Variants in KDM5A observed in about 807,000 individuals in gnomAD.
KDM5A encodes lysine demethylase 5A, also known as lysine-specific demethylase 5A.
In KDM5A, 42 loss-of-function variants were observed where a neutral mutation model predicts 193.5. The ratio of observed to expected loss-of-function variants is 0.22; its 90% CI spans 0.17 to 0.28. The LOEUF (loss-of-function observed/expected upper bound fraction) is 0.28. KDM5A is among the 10% of genes least tolerant of loss of function. The probability of loss-of-function intolerance (pLI) is 1.00; values close to 1 mark genes in which losing one functional copy is unlikely to be tolerated. For synonymous variants in KDM5A, 796 were observed against 718.1 expected (o/e 1.11, Z -1.73); for missense variants, 1,692 against 2,055.1 (o/e 0.82, Z 3.42).
At chr12:374,776 CAA>C (rs1268073423) in intron 3 of KDM5A, among the ~76,000 whole-genome samples, 2 of 152,140 alleles carry the variant, frequency 1.3e-5, no homozygotes, top group Non-Finnish European at 2.9e-5. Context: ...CTGGTGGTGA[CAA>C]AATCTCTCAG....
intron 18 of KDM5A, 114 bp downstream of exon 18, chr12:320,881 A>T: frequency 2.5e-6 from 2 of 806,148 alleles, no homozygotes; most frequent in Non-Finnish European, 4.4e-6. Context: ...CATATATGTG[A>T]GAGAAAAAAA....
chr12:313,730 GAAGAT>G (rs1349445206), intron 19 of KDM5A, among the ~76,000 whole-genome samples: 1 of 152,146 alleles, frequency 6.6e-6, no homozygotes, highest in Non-Finnish European at 1.5e-5. Context: ...AATCACAATA[GAAGAT>G]AAGAATTATG....
chr12:357,540 C>T (rs182744254), intron 5 of KDM5A, among the ~76,000 whole-genome samples: 25 of 151,532 alleles, frequency 1.6e-4, no homozygotes, highest in African/African-American at 5.1e-4. Context: ...AGAATAAGTC[C>T]TTCTGGAGGC....
intron 26 of KDM5A, among the ~76,000 whole-genome samples, chr12:293,522 T>C (rs1213433429): frequency 1.3e-5 from 2 of 152,176 alleles, no homozygotes; most frequent in Non-Finnish European, 2.9e-5. Context: ...TTCAGGCCTG[T>C]AATCCCAGCA....
chr12:333,013 T>C (rs903208410), intron 12 of KDM5A: 1 of 196,512 alleles, frequency 5.1e-6, no homozygotes, highest in Non-Finnish European at 1.1e-5. Flanking sequence ...TAAAAGTTGT[T>C]CCCTGCAGAG....
At chr12:382,031 G>A (rs1323137092) in intron 3 of KDM5A, among the ~76,000 whole-genome samples, 2 of 151,906 alleles carry the variant, frequency 1.3e-5, no homozygotes, top group African/African-American at 2.4e-5. Context: ...GCCTGGTCTC[G>A]AACTCCTAGG....
At chr12:326,262 T>C (rs1185129176) in intron 14 of KDM5A, among the ~76,000 whole-genome samples, 2 of 152,206 alleles carry the variant, frequency 1.3e-5, no homozygotes, top group African/African-American at 4.8e-5. Flanking sequence ...TGATAGTAAT[T>C]CCTGTGTGTA....
rs1220758857 is a variant in KDM5A, at chr12:281,377, T to C, written c.*4079A>G. ...ACAGCTTTCATAACCCATCATATCC[T>C]TGCCCAGTGCACATCATTTGTTGCA... On this transcript the variant is annotated 3_prime_UTR_variant, in exon 28 of 28. Transcript: ENST00000399788. 1 of 233,076 alleles carries C rather than the reference T, an allele frequency of 4.3e-6. No homozygotes were observed. The highest frequency in any genetic ancestry group is 6.0e-5 in the East Asian group (1 of 16,580). 14.4% of individuals were successfully genotyped at this position (233,076 alleles called of 1,614,324 possible). A position where few individuals can be genotyped will look rare whatever the true frequency, so the allele number is the denominator to read the frequency against.
intron 3 of KDM5A, among the ~76,000 whole-genome samples, chr12:367,086 T>C (rs118140923): frequency 0.011 from 1,639 of 152,314 alleles, 14 homozygotes; most frequent in Middle Eastern, 0.027. Flanking sequence ...ACATTCTATG[T>C]TTGCACAATA....
Position 323,587 on chromosome 12 carries a change from T to G in KDM5A, c.2150+13A>C. The G allele has an allele frequency of 6.2e-7, 1 of 1,612,392 alleles. No homozygotes were observed. Among genetic ancestry groups the G allele is most frequent in the Non-Finnish European group, 8.5e-7 (1 of 1,178,454 alleles). On this transcript the variant is annotated intron_variant, in intron 15 of 27. Coordinates refer to ENST00000399788, the MANE Select transcript of KDM5A (RefSeq NM_001042603.3). Reference sequence around the variant, plus strand: ...AAAAGGTAATGGAAGTTTTACAAAATACTTTTGGATACCTAAGACATTTCT... The same window carrying G: ...AAAAGGTAATGGAAGTTTTACAAAAGACTTTTGGATACCTAAGACATTTCT...
chr12:305,266 AATAAG>A (rs993219241), intron 24 of KDM5A, among the ~76,000 whole-genome samples: 78 of 152,300 alleles, frequency 5.1e-4, no homozygotes, highest in African/African-American at 1.8e-3. Context: ...TCTACCATAT[AATAAG>A]ATATTTTAAT....
intron 14 of KDM5A, among the ~76,000 whole-genome samples, chr12:324,811 T>G (rs1338904118): frequency 6.6e-6 from 1 of 151,526 alleles, no homozygotes; most frequent in Non-Finnish European, 1.5e-5. Context: ...GGGTGAAGGT[T>G]GCAATGAGCT....
intron 14 of KDM5A, 115 bp downstream of exon 14, chr12:328,720 C>G (rs375619668): frequency 4.6e-6 from 4 of 860,262 alleles, no homozygotes; most frequent in East Asian, 5.1e-5. Flanking sequence ...TTCTCCAAAT[C>G]AGTGATCTTT....
Position 284,818 on chromosome 12 carries a change from G to A in KDM5A, c.*638C>T, listed in dbSNP as rs950560340. On this transcript the variant is annotated 3_prime_UTR_variant, in exon 28 of 28. Transcript: ENST00000399788. ...TGATATCCTCATCTTACAAAGATAA[G>A]GTGACCTGCCCCAGCTTGTGAGAGG... The A allele has an allele frequency of 8.6e-6, 2 of 233,732 alleles. No individual in the cohort carries two copies. Among genetic ancestry groups the A allele is most frequent in the African/African-American group, 4.4e-5 (2 of 45,316 alleles). 14.5% of individuals were successfully genotyped at this position (233,732 alleles called of 1,614,324 possible).
rs1160618424 is a variant in KDM5A at position 318,365 on chromosome 12, T to C, written c.2638A>G (p.Met880Val). ...AGTTCCACATAGAGACTAGAGCCCATATCTATCAACATCTGGAGTTTGGAA... is the reference window on the plus strand; with the variant it reads ...AGTTCCACATAGAGACTAGAGCCCACATCTATCAACATCTGGAGTTTGGAA... ...DSSKLQMLID[M>V]GSSLYVELPE... Residue 880 changes from methionine to valine, a missense_variant, in exon 19 of 28, where the codon ATG becomes GTG. Met to Val is a conservative substitution (Grantham distance 21). Coordinates refer to ENST00000399788, the MANE Select transcript of KDM5A (RefSeq NM_001042603.3). 26 of 1,614,004 alleles carry C rather than the reference T, an allele frequency of 1.6e-5. No individual in the cohort carries two copies. The highest frequency in any genetic ancestry group is 2.2e-5 in the Non-Finnish European group (26 of 1,179,988).
intron 20 of KDM5A, 92 bp downstream of exon 20, chr12:312,964 G>T: frequency 7.3e-7 from 1 of 1,361,834 alleles, no homozygotes; most frequent in Non-Finnish European, 1.0e-6. Flanking sequence ...TTTGTATTAT[G>T]ATTATTCTAT....
chr12:361,320 G>A (rs950841978), intron 5 of KDM5A, among the ~76,000 whole-genome samples: 2 of 151,722 alleles, frequency 1.3e-5, no homozygotes, highest in African/African-American at 4.8e-5. Flanking sequence ...TTAGCCTCCC[G>A]AGTAGCTGGG....
chr12:378,403 G>A (rs904339362), intron 3 of KDM5A, among the ~76,000 whole-genome samples: 4 of 152,112 alleles, frequency 2.6e-5, no homozygotes, highest in East Asian at 1.9e-4. Flanking sequence ...GACTACAGGC[G>A]CATGCCACCA....
chr12:307,270 A>G lies in KDM5A; in HGVS notation c.3931-181T>C, dbSNP rs1010067387. On this transcript the variant is annotated intron_variant, in intron 23 of 27. Transcript: ENST00000399788. The surrounding 1 kb of genome is among the most constrained non-coding windows in gnomAD (Gnocchi z 4.3). ...CAAAGTCCACCTGAATGATATTACC[A>G]AGAATATTTCACTAAGTACGTATCC... Among the ~76,000 whole-genome samples the G allele has an allele frequency of 3.3e-5, 5 of 152,242 alleles. No homozygotes were observed. The highest frequency in any genetic ancestry group is 7.3e-5 in the Non-Finnish European group (5 of 68,044).
Sources: allele counts gnomAD v4.1 joint callset (sites outside exome capture counted in the v4.1 genomes callset), GRCh38; gene constraint gnomAD v4.1.1; non-coding constraint Gnocchi (gnomAD v3.1); transcripts MANE v1.5; gene names NCBI Gene and HGNC (gene_info 2026-07-23, HGNC 2026-07-21).